TIAL1: variants seen among roughly 807,000 people sequenced by gnomAD.
TIAL1 encodes the protein TIA1 cytotoxic granule associated RNA binding protein like 1.
TIAL1 carries 7 observed loss-of-function variants against 59.7 expected under a neutral mutation model. The ratio of observed to expected loss-of-function variants is 0.12; its 90% confidence interval spans 0.07 to 0.22. The LOEUF is 0.22. Among genes scored for constraint, TIAL1 ranks in the 10% least tolerant of loss-of-function variants. TIAL1 has a pLI of 1.00. For missense variants in TIAL1, 225 were observed against 462.5 expected, an observed-to-expected ratio of 0.49 and a Z score of 4.71; for synonymous variants, 149 against 146.3, an observed-to-expected ratio of 1.02 and a Z score of -0.13.
At chr10:119,592,484 T>C (rs1279178684) in intron 1 of TIAL1, among the ~76,000 whole-genome samples, 1 of 152,218 alleles carries the variant, frequency 6.6e-6, no homozygotes, top group Non-Finnish European at 1.5e-5. Context: ...TGACACTTTT[T>C]CAACACTGAA....
rs1845485114 is a variant in TIAL1 at position 119,584,981 on chromosome 10, G to T, written c.130-2424C>A. On this transcript the variant is annotated intron_variant, in intron 2 of 11. Coordinates refer to ENST00000436547, the MANE Select transcript of TIAL1 (RefSeq NM_003252.4). The stretch of plus-strand genomic sequence containing the variant: ...ATAAAAAAATAAAAAATATTAGCTG[G>T]GCATGATGGCACGCACCTGTAGTCC... Among the ~76,000 whole-genome samples the T allele has an allele frequency of 2.0e-5, 3 of 151,554 alleles. No homozygotes were observed. The South Asian group carries it at 6.2e-4, about 32-fold the overall frequency.
In TIAL1 at chr10:119,575,769, T is replaced by C. The variant is rs1392940937; in HGVS notation, c.1024A>G (p.Met342Val). 9 of 1,581,278 alleles carry C rather than the reference T, an allele frequency of 5.7e-6. No homozygotes were observed. The highest frequency in any genetic ancestry group is 7.7e-6 in the Non-Finnish European group (9 of 1,167,392). Residue 342 changes from methionine to valine, a missense_variant, in exon 12 of 12, where the codon ATG becomes GTG. By Grantham distance (21) the Met-to-Val change is conservative. Around this residue, in one of 4 missense-constraint regions of TIAL1, gnomAD observed 68 missense variants for 71.3 expected, o/e 0.95. Transcript: ENST00000436547. ...GGAGGCTGAGCACCAAATCCACCCATCCAAGCAGCAGAAGGTGATTGACTT... is the reference window on the plus strand; with the variant it reads ...GGAGGCTGAGCACCAAATCCACCCACCCAAGCAGCAGAAGGTGATTGACTT... ...GVDQSPSAAW[M>V]GGFGAQPPQG... is the part of the protein sequence containing the mutation.
chr10:119,587,829 C>G (rs1845647498), intron 2 of TIAL1, among the ~76,000 whole-genome samples: 1 of 152,158 alleles, frequency 6.6e-6, no homozygotes. Context: ...CTGTCTAAAT[C>G]GTTAACATTC....
intron 2 of TIAL1, 114 bp downstream of exon 2, chr10:119,588,038 A>G: frequency 1.7e-6 from 1 of 575,360 alleles, no homozygotes; most frequent in African/African-American, 1.9e-5. Context: ...GTAATAAGTC[A>G]ACACAACACA....
At chr10:119,588,047 C>G (rs1322549603) in intron 2 of TIAL1, 105 bp downstream of exon 2, 4 of 623,836 alleles carry the variant, frequency 6.4e-6, no homozygotes, top group Non-Finnish European at 9.8e-6. Flanking sequence ...CAACACAACA[C>G]AAATCTCTCC....
chr10:119,593,606 C>T, intron 1 of TIAL1: 2 of 554,498 alleles, frequency 3.6e-6, no homozygotes, highest in Non-Finnish European at 2.3e-6. Context: ...TTAAAACATA[C>T]TGGCCACTTG....
chr10:119,582,547 T>C lies in TIAL1; in HGVS notation c.140A>G (p.Asn47Ser). 6.2e-7 allele frequency: 1 copy of C among 1,612,602 alleles called. No homozygotes were observed. Among genetic ancestry groups the C allele is most frequent in the Non-Finnish European group, 8.5e-7 (1 of 1,179,436 alleles). The change falls in exon 3 of 12, where the codon AAT becomes AGT. Residue 47 changes from asparagine (N) to serine (S), a missense_variant. Physicochemically the swap from Asn to Ser is conservative, Grantham distance 46. Around this residue, in one of 4 missense-constraint regions of TIAL1, gnomAD observed 39 missense variants for 59.5 expected, o/e 0.66. Transcript: ENST00000436547. This position sits in a 1 kb window ranked among gnomAD's most constrained non-coding sequence, Gnocchi z 5.1. ...SCKMITEHTS[N>S]DPYCFVEFYE... ...AAATTCCACAAAGCAATATGGGTCA[T>C]TGCTTGTATGCTGCAAAACAGAAAA...
chr10:119,593,116 T>C (rs1280398010), intron 1 of TIAL1, among the ~76,000 whole-genome samples: 1 of 152,196 alleles, frequency 6.6e-6, no homozygotes, highest in East Asian at 1.9e-4. Flanking sequence ...TGTCATATTG[T>C]AGATTCAGAT....
At chr10:119,585,433 G>C (rs7474692) in intron 2 of TIAL1, among the ~76,000 whole-genome samples, 1,737 of 149,326 alleles carry the variant, frequency 0.012, 22 homozygotes, top group African/African-American at 0.041. Flanking sequence ...CTGGAGGACA[G>C]AGTCAGACCC....
At position 119,574,751 on chromosome 10, in the gene TIAL1, A is replaced by G. The variant is rs1429838969; in HGVS notation, c.*914T>C. Reference sequence around the variant, plus strand: ...AGCCAACCTTGGAAATGTCAGTCTTAACATTCTGATCAATCCACTGCATTC... The same window carrying G: ...AGCCAACCTTGGAAATGTCAGTCTTGACATTCTGATCAATCCACTGCATTC... On this transcript the variant is annotated 3_prime_UTR_variant, in exon 12 of 12. Transcript: ENST00000436547. The G allele has an allele frequency of 6.6e-6, 1 of 152,606 alleles. No homozygotes were observed. The highest frequency in any genetic ancestry group is 2.4e-5 in the African/African-American group (1 of 41,436). The allele number at this position is 152,606 out of a possible 1,614,324, so 9.5% of individuals were successfully genotyped here.
chr10:119,578,466 A>G (rs1276282791), intron 7 of TIAL1, among the ~76,000 whole-genome samples: 1 of 151,976 alleles, frequency 6.6e-6, no homozygotes, highest in Admixed American at 6.6e-5. Context: ...CCCTGTCTCT[A>G]TAAAAAAATT....
At chr10:119,590,578 C>CG (rs1439037937) in intron 1 of TIAL1, among the ~76,000 whole-genome samples, 2 of 151,912 alleles carry the variant, frequency 1.3e-5, no homozygotes, top group African/African-American at 4.8e-5. Flanking sequence ...GGCATGGTGG[C>CG]GCGCACCTAT....
intron 1 of TIAL1, among the ~76,000 whole-genome samples, chr10:119,593,922 G>A (rs1300628323): frequency 1.3e-5 from 2 of 152,124 alleles, no homozygotes; most frequent in African/African-American, 4.8e-5. Flanking sequence ...TACAATCTTA[G>A]TTCAACCAGG....
intron 1 of TIAL1, among the ~76,000 whole-genome samples, chr10:119,595,997 G>A (rs1212831415): frequency 2.0e-5 from 3 of 151,934 alleles, no homozygotes; most frequent in Admixed American, 6.5e-5. Flanking sequence ...GAAGGGGTGA[G>A]TGCTAATTCC....
chr10:119,573,647 C>G lies in TIAL1; in HGVS notation c.*2018G>C, dbSNP rs1844809502. On this transcript the variant is annotated 3_prime_UTR_variant, in exon 12 of 12. Transcript: ENST00000436547. ...AAAAAGTCTTCAGTTGTTCAAGTTT[C>G]ACATATACTCATAAAATTTTTAACT... 6.6e-6 allele frequency: 1 copy of G among 152,588 alleles called. No homozygotes were observed. The highest frequency in any genetic ancestry group is 1.5e-5 in the Non-Finnish European group (1 of 68,018). The allele number at this position is 152,588 out of a possible 1,614,324, so 9.5% of individuals were successfully genotyped here. A position where few individuals can be genotyped will look rare whatever the true frequency, so the allele number is the denominator to read the frequency against.
At position 119,577,482 on chromosome 10, in the gene TIAL1, C is replaced by G; in HGVS notation, c.706G>C (p.Val236Leu). Reference protein sequence around the residue: ...SPFGQIMEIRVFPEKGYSFVR... With the variant: ...SPFGQIMEIRLFPEKGYSFVR... ...AATGAATAGCCCTTTTCTGGGAAAA[C>G]TCTTATTTCCATAATTTGTCCAAAT... Residue 236 changes from valine to leucine, a missense_variant, in exon 9 of 12, where the codon GTT becomes CTT. This residue lies in a region of TIAL1 where 80 missense variants were observed against 158.8 expected (regional missense o/e 0.50). Coordinates refer to ENST00000436547, the MANE Select transcript of TIAL1 (RefSeq NM_003252.4). The G allele has an allele frequency of 1.2e-6, 2 of 1,613,874 alleles. No individual in the cohort carries two copies. Among genetic ancestry groups the G allele is most frequent in the Non-Finnish European group, 1.7e-6 (2 of 1,179,922 alleles).
In TIAL1 at chr10:119,588,149, T is replaced by C; in HGVS notation, c.129+3A>G. ...TCAGCACATGGAACTGGGAAGATCT[T>C]ACCTCTGTTATCATTTTACAGCTTT... On this transcript the variant is annotated splice_donor_region_variant and intron_variant, in intron 2 of 11. Coordinates refer to ENST00000436547, the MANE Select transcript of TIAL1 (RefSeq NM_003252.4). The C allele has an allele frequency of 6.5e-7, 1 of 1,539,536 alleles. No homozygotes were observed. Among genetic ancestry groups the C allele is most frequent in the Non-Finnish European group, 8.8e-7 (1 of 1,138,518 alleles).
rs578175796 is a variant in TIAL1, at chr10:119,578,913, G to A, written c.448-79C>T. On this transcript the variant is annotated intron_variant, in intron 6 of 11. Transcript: ENST00000436547. Reference sequence around the variant, plus strand: ...CTGTAAGATGAAATAAAATATCGGCGCTGCTGGTTCCATACAAATCAGTAG... The same window carrying A: ...CTGTAAGATGAAATAAAATATCGGCACTGCTGGTTCCATACAAATCAGTAG... The A allele has an allele frequency of 2.3e-5, 25 of 1,091,330 alleles. 1 individual carries two copies. Among genetic ancestry groups the A allele is most frequent in the Admixed American group, 7.9e-5 (4 of 50,348 alleles). 67.6% of individuals were successfully genotyped at this position (1,091,330 alleles called of 1,614,324 possible).
At chr10:119,588,383 GC>G in intron 1 of TIAL1, 135 bp from the exon 2 acceptor site, 1 of 499,766 alleles carries the variant, frequency 2.0e-6, no homozygotes, top group Non-Finnish European at 3.4e-6. Context: ...TGCTCTTGTT[GC>G]CCAGGCTGGA....
Sources: gnomAD v4.1 joint callset for allele counts (sites outside exome capture counted in the v4.1 genomes callset) on GRCh38, gnomAD v4.1.1 for gene constraint, gnomAD v4.1.1 regional missense constraint, Gnocchi (gnomAD v3.1) non-coding constraint, MANE v1.5 for transcripts, NCBI Gene and HGNC (gene_info 2026-07-23, HGNC 2026-07-21) for gene names.